The following WDR70 variants were observed in gnomAD, a reference collection of about 807,000 sequenced individuals.
WDR70 encodes WD repeat domain 70, also known as WD repeat-containing protein 70.
WDR70 carries 53 observed loss-of-function variants against 88.6 expected under a neutral mutation model. That is an observed-to-expected ratio of 0.60 (90% CI 0.48 to 0.75). The LOEUF (loss-of-function observed/expected upper bound fraction) is 0.75. WDR70 is among the 30% of genes least tolerant of loss of function. The probability of loss-of-function intolerance (pLI) is 0.00; values close to 1 mark genes in which losing one functional copy is unlikely to be tolerated. For missense variants in WDR70, 610 were observed against 823.2 expected (o/e 0.74, Z 3.17); for synonymous variants, 280 against 270.0 (o/e 1.04, Z -0.36).
intron 17 of WDR70, among the ~76,000 whole-genome samples, chr5:37,744,442 C>T (rs1379937796): frequency 6.6e-6 from 1 of 151,992 alleles, no homozygotes; most frequent in African/African-American, 2.4e-5. Context: ...GACAAATTGA[C>T]AGAGGTAGGC....
chr5:37,383,849 C>T (rs1308199828), intron 3 of WDR70, among the ~76,000 whole-genome samples: 9 of 152,152 alleles, frequency 5.9e-5, no homozygotes, highest in Non-Finnish European at 1.2e-4. Context: ...TCCCAAAGTG[C>T]TGGGATTACA....
chr5:37,560,739 G>A (rs1742478079), intron 9 of WDR70, among the ~76,000 whole-genome samples: 1 of 151,678 alleles, frequency 6.6e-6, no homozygotes, highest in Admixed American at 6.6e-5. Flanking sequence ...GCCTTCACTG[G>A]GCCTTCCCTG....
chr5:37,716,340 C>T (rs1453032246), intron 13 of WDR70, among the ~76,000 whole-genome samples: 1 of 152,150 alleles, frequency 6.6e-6, no homozygotes, highest in Non-Finnish European at 1.5e-5. Flanking sequence ...TTTATAGTAA[C>T]ATTTGTGAAC....
chr5:37,550,835 C>G (rs1421166501), intron 9 of WDR70, among the ~76,000 whole-genome samples: 2 of 152,014 alleles, frequency 1.3e-5, no homozygotes, highest in Admixed American at 1.3e-4. Flanking sequence ...TCCTTCCTGT[C>G]TGTTTCTTAG....
intron 5 of WDR70, among the ~76,000 whole-genome samples, chr5:37,398,732 A>G (rs574475564): frequency 6.6e-6 from 1 of 152,286 alleles, no homozygotes; most frequent in South Asian, 2.1e-4. Context: ...ATAAAATAAG[A>G]ATAAATTTGG....
intron 3 of WDR70, among the ~76,000 whole-genome samples, chr5:37,388,026 T>C (rs1455239570): frequency 6.6e-6 from 1 of 152,150 alleles, no homozygotes; most frequent in Non-Finnish European, 1.5e-5. Flanking sequence ...ATATGTGCTG[T>C]GAAGGGTCTG....
chr5:37,424,268 GT>G (rs1320533901), intron 5 of WDR70, among the ~76,000 whole-genome samples: 1 of 150,456 alleles, frequency 6.6e-6, no homozygotes. Flanking sequence ...GTGGTTAGCA[GT>G]TCTTAGAATT....
intron 10 of WDR70, among the ~76,000 whole-genome samples, chr5:37,657,057 T>C (rs1172134613): frequency 6.6e-6 from 1 of 152,202 alleles, no homozygotes; most frequent in African/African-American, 2.4e-5. Context: ...AAGAAACTCC[T>C]GCAGCTAGCT....
At chr5:37,497,419 T>C (rs1291203277) in intron 8 of WDR70, among the ~76,000 whole-genome samples, 2 of 118,352 alleles carry the variant, frequency 1.7e-5, no homozygotes, top group Non-Finnish European at 3.4e-5. Flanking sequence ...CCCCTCCCCT[T>C]CCCTTCCCTC....
intron 7 of WDR70, among the ~76,000 whole-genome samples, chr5:37,452,111 G>GT (rs1738694889): frequency 6.6e-6 from 1 of 152,128 alleles, no homozygotes; most frequent in Non-Finnish European, 1.5e-5. Context: ...GTTTCTGATT[G>GT]TAACACCCAA....
chr5:37,507,416 A>G (rs1450328688), intron 8 of WDR70, among the ~76,000 whole-genome samples: 1 of 152,176 alleles, frequency 6.6e-6, no homozygotes, highest in Non-Finnish European at 1.5e-5. Context: ...ATTGTTATTA[A>G]TTGTAGTCAC....
intron 10 of WDR70, among the ~76,000 whole-genome samples, chr5:37,652,475 A>G (rs1745437099): frequency 6.6e-6 from 1 of 152,234 alleles, no homozygotes; most frequent in Non-Finnish European, 1.5e-5. Context: ...AATTCTGTGA[A>G]GAAAGTCAAT....
intron 10 of WDR70, among the ~76,000 whole-genome samples, chr5:37,651,841 G>A (rs552654733): frequency 4.6e-4 from 70 of 152,218 alleles, no homozygotes; most frequent in Admixed American, 3.9e-3. Flanking sequence ...TAAGTTCCTT[G>A]TAGATTCTGG....
In WDR70 at chr5:37,543,048, C is replaced by T. The variant is rs78248093; in HGVS notation, c.917+26458C>T. 1.7e-3 allele frequency among the ~76,000 whole-genome samples: 266 copies of T among 152,246 alleles called. 1 individual carries two copies. The highest frequency in any genetic ancestry group is 6.1e-3 in the African/African-American group (255 of 41,550). ...CTTGGGAACTATGACATTTGCTGTC[C>T]GATCTAGCCCTGGCTATCCTGGAGG... On this transcript the variant is annotated intron_variant, in intron 9 of 17. Transcript: ENST00000265107.
intron 17 of WDR70, among the ~76,000 whole-genome samples, chr5:37,742,041 G>A (rs1748497689): frequency 6.6e-6 from 1 of 152,128 alleles, no homozygotes; most frequent in Non-Finnish European, 1.5e-5. Flanking sequence ...TTTGGCTCTT[G>A]TGAATAATGC....
intron 9 of WDR70, among the ~76,000 whole-genome samples, chr5:37,521,600 A>T (rs4869524): frequency 0.6 from 90,578 of 151,790 alleles, 28,368 homozygotes; most frequent in Non-Finnish European, 0.69. Flanking sequence ...TTGGTTTTCC[A>T]TTCCTGAGTT....
intron 8 of WDR70, among the ~76,000 whole-genome samples, chr5:37,508,009 A>T (rs1367505615): frequency 6.6e-6 from 1 of 152,066 alleles, no homozygotes; most frequent in African/African-American, 2.4e-5. Flanking sequence ...CCAGATTGAC[A>T]TTGAATGTGA....
At chr5:37,395,207 A>G (rs2111898463) in intron 4 of WDR70, among the ~76,000 whole-genome samples, 1 of 152,252 alleles carries the variant, frequency 6.6e-6, no homozygotes, top group South Asian at 2.1e-4. Context: ...GTAGATGGTG[A>G]GGGCTATGCT....
intron 9 of WDR70, among the ~76,000 whole-genome samples, chr5:37,592,830 T>G (rs759461485): frequency 6.6e-6 from 1 of 152,250 alleles, no homozygotes; most frequent in Non-Finnish European, 1.5e-5. Flanking sequence ...AATAAAATTG[T>G]GTCTATTAAA....
Sources: allele counts gnomAD v4.1 joint callset (sites outside exome capture counted in the v4.1 genomes callset), GRCh38; gene constraint gnomAD v4.1.1; transcripts MANE v1.5; gene names NCBI Gene and HGNC (gene_info 2026-07-23, HGNC 2026-07-21).